The following PIK3CA variants were observed in gnomAD, a reference collection of about 807,000 sequenced individuals.
The protein encoded by PIK3CA is phosphatidylinositol-4,5-bisphosphate 3-kinase catalytic subunit alpha.
Under a neutral mutation model 138.2 loss-of-function variants are expected in PIK3CA, and 27 were observed. The observed-to-expected ratio is 0.20, with a 90% confidence interval of 0.14 to 0.27. The LOEUF is 0.27. PIK3CA is among the 10% of genes least tolerant of loss of function. The pLI is 1.00. For missense variants in PIK3CA, 544 were observed against 1,277.4 expected, an observed-to-expected ratio of 0.43 and a Z score of 8.75; for synonymous variants, 358 against 413.2, an observed-to-expected ratio of 0.87 and a Z score of 1.62.
intron 16 of PIK3CA, among the ~76,000 whole-genome samples, chr3:179,225,200 A>G (rs539407855): frequency 2.0e-5 from 3 of 151,872 alleles, no homozygotes; most frequent in South Asian, 4.2e-4. Flanking sequence ...TAAATATTCT[A>G]TGTGCTAGGC....
intron 1 of PIK3CA, among the ~76,000 whole-genome samples, chr3:179,160,251 C>CAGA (rs1207511823): frequency 2.6e-5 from 4 of 152,162 alleles, no homozygotes; most frequent in African/African-American, 7.2e-5. Flanking sequence ...CACAGTTGAC[C>CAGA]AGAACATTGT....
chr3:179,218,103 T>A (rs2108407615), intron 9 of PIK3CA, 107 bp from the exon 10 acceptor site: 1 of 1,032,816 alleles, frequency 9.7e-7, no homozygotes, highest in Non-Finnish European at 1.3e-6. Context: ...TAATTAGCAA[T>A]GTAAAATTTA....
At chr3:179,204,367 G>A (rs1038914834) in intron 5 of PIK3CA, 136 bp from the exon 6 acceptor site, 3 of 499,206 alleles carry the variant, frequency 6.0e-6, no homozygotes, top group South Asian at 3.1e-5. Flanking sequence ...GTATTAACGT[G>A]TTACATATGT....
intron 1 of PIK3CA, among the ~76,000 whole-genome samples, chr3:179,196,924 T>G (rs1393899004): frequency 6.6e-6 from 1 of 152,176 alleles, no homozygotes; most frequent in Non-Finnish European, 1.5e-5. Context: ...AAAGAGAGAA[T>G]TAACGAAGCT....
chr3:179,218,732 T>C (rs1724898913), intron 10 of PIK3CA, among the ~76,000 whole-genome samples: 3 of 152,056 alleles, frequency 2.0e-5, no homozygotes, highest in Non-Finnish European at 1.5e-5. Flanking sequence ...TTTTCATTTA[T>C]GAAGAAATTA....
chr3:179,176,672 T>C (rs968905468), intron 1 of PIK3CA, among the ~76,000 whole-genome samples: 2 of 152,176 alleles, frequency 1.3e-5, no homozygotes, highest in Non-Finnish European at 2.9e-5. Context: ...ATCAGCTATA[T>C]AGTACTCCAT....
rs776023245 is a variant in PIK3CA, at chr3:179,210,591, A to G, written c.1539+26A>G. 27 of 1,606,660 alleles carry G rather than the reference A, an allele frequency of 1.7e-5. No homozygotes were observed. In the Admixed American group the frequency reaches 4.6e-4, roughly 27 times the overall value. On this transcript the variant is annotated intron_variant, in intron 9 of 20. Transcript: ENST00000263967. ...GTAAGGCAAATCACTGAGTTTATTA[A>G]GTATCAATTATAATCTGTGGATTTA...
chr3:179,213,749 G>A (rs994552368), intron 9 of PIK3CA, among the ~76,000 whole-genome samples: 3 of 152,232 alleles, frequency 2.0e-5, no homozygotes, highest in Non-Finnish European at 4.4e-5. Context: ...TTTGAAGCCA[G>A]GCATTAACTT....
Position 179,234,546 on chromosome 3 carries a change from A to G in PIK3CA, c.*182A>G, listed in dbSNP as rs920622353. On this transcript the variant is annotated 3_prime_UTR_variant, in exon 21 of 21. Transcript: ENST00000263967. The surrounding 1 kb of genome is among the most constrained non-coding windows in gnomAD (Gnocchi z 5.1). ...AATGTAAACGCAAACAGGGTTTGAT[A>G]GCACTTAAACTAGTTCATTTCAAAA... 2.3e-6 allele frequency: 1 copy of G among 442,332 alleles called. No homozygotes were observed. Among genetic ancestry groups the G allele is most frequent in the African/African-American group, 2.0e-5 (1 of 50,034 alleles). The allele number at this position is 442,332 out of a possible 1,614,324, so 27.4% of individuals were successfully genotyped here.
chr3:179,171,198 G>A (rs937890423), intron 1 of PIK3CA, among the ~76,000 whole-genome samples: 4 of 151,988 alleles, frequency 2.6e-5, no homozygotes, highest in African/African-American at 7.2e-5. Context: ...GTAACCCATG[G>A]GTGAAAAAAG....
chr3:179,202,166 G>T (rs990934139), intron 4 of PIK3CA, among the ~76,000 whole-genome samples: 1 of 152,178 alleles, frequency 6.6e-6, no homozygotes, highest in Admixed American at 6.5e-5. Flanking sequence ...CCAGGCTCAA[G>T]CAGTCCTCTC....
intron 1 of PIK3CA, among the ~76,000 whole-genome samples, chr3:179,157,321 A>G (rs1010894777): frequency 1.3e-5 from 2 of 152,150 alleles, no homozygotes; most frequent in Non-Finnish European, 2.9e-5. Context: ...TTTTCTAACT[A>G]TATACCAATT....
At chr3:179,154,231 C>A (rs1723078411) in intron 1 of PIK3CA, among the ~76,000 whole-genome samples, 1 of 152,128 alleles carries the variant, frequency 6.6e-6, no homozygotes, top group South Asian at 2.1e-4. Context: ...GGCCAGCAGA[C>A]CCAGTACCTG....
At chr3:179,162,287 AT>A (rs1723304496) in intron 1 of PIK3CA, among the ~76,000 whole-genome samples, 1 of 152,076 alleles carries the variant, frequency 6.6e-6, no homozygotes, top group South Asian at 2.1e-4. Flanking sequence ...CATTTTAAGG[AT>A]AATTTCTACT....
intron 6 of PIK3CA, among the ~76,000 whole-genome samples, chr3:179,206,084 A>ATCTTTT (rs1724552282): frequency 7.8e-6 from 1 of 128,452 alleles, no homozygotes; most frequent in East Asian, 2.3e-4. Context: ...CAACTTCAGG[A>ATCTTTT]TCTTTTTTTT....
intron 1 of PIK3CA, among the ~76,000 whole-genome samples, chr3:179,155,028 T>G (rs966515750): frequency 1.4e-4 from 21 of 152,308 alleles, no homozygotes; most frequent in African/African-American, 5.1e-4. Context: ...ATTTGTATAG[T>G]AAAGCCAAGG....
intron 9 of PIK3CA, among the ~76,000 whole-genome samples, chr3:179,214,954 C>T (rs1456039124): frequency 2.0e-5 from 3 of 152,262 alleles, no homozygotes; most frequent in South Asian, 2.1e-4. Flanking sequence ...CCTGATTTCT[C>T]AAGGGCAAAG....
intron 4 of PIK3CA, among the ~76,000 whole-genome samples, chr3:179,203,219 C>A (rs1285221285): frequency 7.9e-5 from 12 of 152,082 alleles, no homozygotes; most frequent in African/African-American, 2.9e-4. Context: ...GGATTACAGG[C>A]GTGAGCCACC....
chr3:179,200,114 TTTC>T (rs1300152768), intron 3 of PIK3CA, among the ~76,000 whole-genome samples: 3 of 152,056 alleles, frequency 2.0e-5, no homozygotes, highest in Non-Finnish European at 4.4e-5. Flanking sequence ...ATGATACTGA[TTTC>T]TTGGTAAATT....
Sources: gnomAD v4.1 joint callset for allele counts (sites outside exome capture counted in the v4.1 genomes callset) on GRCh38, gnomAD v4.1.1 for gene constraint, Gnocchi (gnomAD v3.1) non-coding constraint, MANE v1.5 for transcripts, NCBI Gene and HGNC (gene_info 2026-07-23, HGNC 2026-07-21) for gene names.